DSCAM: variants seen among roughly 807,000 people sequenced by gnomAD.
DSCAM encodes the protein cell adhesion molecule DSCAM.
A neutral mutation model predicts 217.7 loss-of-function variants in DSCAM; 47 were observed. The observed-to-expected ratio is 0.22, with a 90% CI of 0.17 to 0.28. The LOEUF is 0.28. Ranked by LOEUF, DSCAM falls within the 10% of genes least tolerant of loss-of-function variation. The pLI is 1.00. For missense variants in DSCAM, 2,080 were observed against 2,618.3 expected, an observed-to-expected ratio of 0.79 and a Z score of 4.49; for synonymous variants, 1,056 against 1,015.3, an observed-to-expected ratio of 1.04 and a Z score of -0.76.
At position 40,691,095 on chromosome 21, in the gene DSCAM, A is replaced by G. The variant is rs2090533335; in HGVS notation, c.508+1715T>C. Among the ~76,000 whole-genome samples, 4 of 152,370 alleles carry G rather than the reference A, an allele frequency of 2.6e-5. No homozygotes were observed. The South Asian group carries it at 8.3e-4, about 32-fold the overall frequency. On this transcript the variant is annotated intron_variant, in intron 3 of 32. Coordinates refer to ENST00000400454, the MANE Select transcript of DSCAM (RefSeq NM_001389.5). The stretch of plus-strand genomic sequence containing the variant: ...CCCTGAACTTAAAATAAAAGTTAAA[A>G]AAATCCTCCTGGTAGATATTTCAAT...
At chr21:40,241,143 C>G (rs1055634865) in intron 11 of DSCAM, among the ~76,000 whole-genome samples, 7 of 152,106 alleles carry the variant, frequency 4.6e-5, no homozygotes, top group African/African-American at 1.7e-4. Context: ...CAAGTAGGAT[C>G]TAATTAAACT....
chr21:40,317,943 A>C (rs2074217485), intron 8 of DSCAM, among the ~76,000 whole-genome samples: 1 of 152,140 alleles, frequency 6.6e-6, no homozygotes, highest in South Asian at 2.1e-4. Context: ...ATTAAGAATG[A>C]CTTAGTTTAC....
chr21:40,581,385 G>A (rs575065490), intron 3 of DSCAM, among the ~76,000 whole-genome samples: 2 of 152,230 alleles, frequency 1.3e-5, no homozygotes, highest in East Asian at 3.9e-4. Flanking sequence ...AACTGGTGAG[G>A]TATACACTCT....
At chr21:40,783,818 T>C (rs533753084) in intron 1 of DSCAM, among the ~76,000 whole-genome samples, 6 of 152,286 alleles carry the variant, frequency 3.9e-5, no homozygotes, top group East Asian at 1.9e-4. Flanking sequence ...GATGCCCAAT[T>C]TGAAGAATCC....
chr21:40,029,991 C>T (rs1042935089), intron 32 of DSCAM, among the ~76,000 whole-genome samples: 2 of 152,260 alleles, frequency 1.3e-5, no homozygotes, highest in African/African-American at 2.4e-5. Flanking sequence ...GATGCCTACA[C>T]GTGTGCTTGC....
intron 19 of DSCAM, among the ~76,000 whole-genome samples, chr21:40,125,915 C>G (rs1047177442): frequency 1.1e-4 from 17 of 152,146 alleles, no homozygotes; most frequent in Non-Finnish European, 2.5e-4. Flanking sequence ...CCATAAAGCC[C>G]CTGGTTGGTG....
At position 40,083,998 on chromosome 21, in the gene DSCAM, C is replaced by A; in HGVS notation, c.4141G>T (p.Asp1381Tyr). 1 of 1,611,574 alleles carries A rather than the reference C, an allele frequency of 6.2e-7. No homozygotes were observed. Residue 1381 changes from aspartate to tyrosine, a missense_variant, in exon 24 of 33, where the codon GAT becomes TAT. Physicochemically the swap from Asp to Tyr is radical, Grantham distance 160. Coordinates refer to ENST00000400454, the MANE Select transcript of DSCAM (RefSeq NM_001389.5). Reference sequence around the variant, plus strand: ...TTGGAGACTGTAAGCCGAGGCTGATCTGGTGGAACTGGAGAGGAAACAGTT... The same window carrying A: ...TTGGAGACTGTAAGCCGAGGCTGATATGGTGGAACTGGAGAGGAAACAGTT... ...ILNLQVQVPPDQPRLTVSKTT... is the reference protein window; with the variant it reads ...ILNLQVQVPPYQPRLTVSKTT...
intron 3 of DSCAM, among the ~76,000 whole-genome samples, chr21:40,426,106 A>G (rs1281745169): frequency 2.0e-5 from 3 of 151,716 alleles, no homozygotes; most frequent in African/African-American, 7.3e-5. Flanking sequence ...ATACTACTCC[A>G]TTGGTAGCAC....
At chr21:40,778,167 C>T (rs1014653298) in intron 1 of DSCAM, among the ~76,000 whole-genome samples, 1 of 152,068 alleles carries the variant, frequency 6.6e-6, no homozygotes, top group African/African-American at 2.4e-5. Flanking sequence ...GAAAAAGGAA[C>T]ACGACCTTAA....
intron 32 of DSCAM, 70 bp downstream of exon 32, chr21:40,042,301 A>G: frequency 6.5e-7 from 1 of 1,536,638 alleles, no homozygotes; most frequent in Non-Finnish European, 8.8e-7. Flanking sequence ...GGGCTTTCAC[A>G]GCAGATGAGG....
chr21:40,251,099 A>T (rs1340745310), intron 11 of DSCAM, among the ~76,000 whole-genome samples: 2 of 152,208 alleles, frequency 1.3e-5, no homozygotes, highest in African/African-American at 4.8e-5. Context: ...AATATGGTGG[A>T]GGGAGCTATG....
chr21:40,617,212 C>G (rs961061991), intron 3 of DSCAM, among the ~76,000 whole-genome samples: 21 of 149,218 alleles, frequency 1.4e-4, no homozygotes, highest in African/African-American at 4.7e-4. Context: ...CAAGCTCCCC[C>G]TCCCAGGTTC....
chr21:40,706,468 T>C (rs1277780339), intron 2 of DSCAM, among the ~76,000 whole-genome samples: 1 of 152,142 alleles, frequency 6.6e-6, no homozygotes. Context: ...GGTCAAAATT[T>C]CTGAAATTTA....
chr21:40,486,259 C>T (rs1302389297), intron 3 of DSCAM, among the ~76,000 whole-genome samples: 1 of 152,148 alleles, frequency 6.6e-6, no homozygotes, highest in African/African-American at 2.4e-5. Flanking sequence ...TTATCCTGGG[C>T]CTTTCTTTCC....
chr21:40,718,056 T>A (rs1276668800), intron 1 of DSCAM, among the ~76,000 whole-genome samples: 1 of 152,030 alleles, frequency 6.6e-6, no homozygotes, highest in African/African-American at 2.4e-5. Flanking sequence ...TGGGCAGGGA[T>A]GTGGGAGCAA....
At chr21:40,355,110 T>C (rs1333788725) in intron 4 of DSCAM, among the ~76,000 whole-genome samples, 1 of 152,094 alleles carries the variant, frequency 6.6e-6, no homozygotes, top group Non-Finnish European at 1.5e-5. Flanking sequence ...AAGCAACACA[T>C]TAGCAAGCAA....
intron 11 of DSCAM, among the ~76,000 whole-genome samples, chr21:40,263,223 G>A (rs1245210352): frequency 6.6e-6 from 1 of 152,072 alleles, no homozygotes; most frequent in Non-Finnish European, 1.5e-5. Flanking sequence ...ATGGTAAAAA[G>A]GTGGGTCCCT....
At chr21:40,685,579 C>A (rs760050057) in intron 3 of DSCAM, among the ~76,000 whole-genome samples, 3 of 152,302 alleles carry the variant, frequency 2.0e-5, no homozygotes, top group Non-Finnish European at 4.4e-5. Flanking sequence ...CCTAGTGATT[C>A]CACAGGGAGA....
At chr21:40,495,473 A>C (rs1742536589) in intron 3 of DSCAM, among the ~76,000 whole-genome samples, 1 of 152,218 alleles carries the variant, frequency 6.6e-6, no homozygotes, top group South Asian at 2.1e-4. Flanking sequence ...GCTTTTGAGA[A>C]AATTCAAAAT....
Sources: allele counts gnomAD v4.1 joint callset (sites outside exome capture counted in the v4.1 genomes callset), GRCh38; gene constraint gnomAD v4.1.1; transcripts MANE v1.5; gene names NCBI Gene and HGNC (gene_info 2026-07-23, HGNC 2026-07-21).